The following TENM2 variants were observed in gnomAD, a reference collection of about 807,000 sequenced individuals.
TENM2 encodes teneurin-2.
TENM2 carries 52 observed loss-of-function variants against 245.2 expected under a neutral mutation model. The observed-to-expected ratio is 0.21, with a 90% CI of 0.17 to 0.27. TENM2 has a LOEUF of 0.27. Among genes scored for constraint, TENM2 ranks in the 10% least tolerant of loss-of-function variants. The pLI is 1.00. For synonymous variants in TENM2, 1,363 were observed against 1,438.9 expected (o/e 0.95, Z 1.19); for missense variants, 3,046 against 3,666.8 (o/e 0.83, Z 4.37).
At chr5:167,123,069 G>A in the TENM2 span, among the ~76,000 whole-genome samples, 16 of 151,736 alleles carry the variant, frequency 1.1e-4, no homozygotes, top group South Asian at 2.1e-3. Flanking sequence ...AGGCCAAGGC[G>A]AGTGGATCAC....
chr5:167,251,010 A>G, the TENM2 span, among the ~76,000 whole-genome samples: 3 of 152,136 alleles, frequency 2.0e-5, no homozygotes, highest in East Asian at 1.9e-4. Flanking sequence ...AGAATAAACT[A>G]TGAGAGATGG....
chr5:167,791,811 A>G (rs1225312310), intron 2 of TENM2, among the ~76,000 whole-genome samples: 1 of 152,086 alleles, frequency 6.6e-6, no homozygotes, highest in Non-Finnish European at 1.5e-5. Flanking sequence ...CTCTTGAAAC[A>G]TCAGACAGCC....
the TENM2 span, among the ~76,000 whole-genome samples, chr5:167,069,800 A>G: frequency 6.6e-6 from 1 of 152,202 alleles, no homozygotes; most frequent in Non-Finnish European, 1.5e-5. Flanking sequence ...AAAATATTCA[A>G]AAATAAGCTT....
intron 5 of TENM2, among the ~76,000 whole-genome samples, chr5:167,997,742 A>G (rs767490023): frequency 6.6e-6 from 1 of 152,198 alleles, no homozygotes; most frequent in African/African-American, 2.4e-5. Flanking sequence ...ATGTAAACCC[A>G]TTGTTTAGAT....
chr5:167,845,039 G>A lies in TENM2; in HGVS notation c.503-30947G>A, dbSNP rs140013249. On this transcript the variant is annotated intron_variant, in intron 2 of 28. Coordinates refer to ENST00000518659, the Ensembl canonical transcript of TENM2. ...TCTCTGTAAGATGCACTGTATTATG[G>A]ACCAGACTGCCAAGGAGACCCATCC... 5.5e-4 allele frequency among the ~76,000 whole-genome samples: 84 copies of A among 151,962 alleles called. 1 individual carries two copies. In the East Asian group the frequency reaches 0.014, roughly 26 times the overall value.
At chr5:167,670,703 C>T (rs1473916983) in intron 2 of TENM2, among the ~76,000 whole-genome samples, 1 of 152,156 alleles carries the variant, frequency 6.6e-6, no homozygotes, top group Non-Finnish European at 1.5e-5. Context: ...TCTATCCTTC[C>T]ACTTTTTTCC....
intron 9 of TENM2, among the ~76,000 whole-genome samples, chr5:168,113,524 C>T (rs930266737): frequency 6.7e-6 from 1 of 149,070 alleles, no homozygotes; most frequent in African/African-American, 2.5e-5. Flanking sequence ...CTCTTTACTG[C>T]AAGCTCCAAG....
the TENM2 span, among the ~76,000 whole-genome samples, chr5:167,255,682 A>G: frequency 6.6e-6 from 1 of 152,186 alleles, no homozygotes; most frequent in Non-Finnish European, 1.5e-5. Flanking sequence ...TACGAGAAGT[A>G]CAGGTTGTGA....
intron 23 of TENM2, among the ~76,000 whole-genome samples, chr5:168,220,283 G>A (rs146627157): frequency 6.6e-6 from 1 of 152,160 alleles, no homozygotes; most frequent in East Asian, 1.9e-4. Flanking sequence ...ACAATTTGTT[G>A]GCTCTCCTGA....
intron 3 of TENM2, among the ~76,000 whole-genome samples, chr5:167,941,561 C>A (rs1258474619): frequency 6.6e-6 from 1 of 151,880 alleles, no homozygotes; most frequent in Admixed American, 6.6e-5. Flanking sequence ...AAATAATAAT[C>A]CTGGCTGGGT....
At chr5:168,125,221 C>T (rs1795761301) in intron 11 of TENM2, among the ~76,000 whole-genome samples, 171 bp downstream of exon 13, 1 of 152,280 alleles carries the variant, frequency 6.6e-6, no homozygotes, top group Non-Finnish European at 1.5e-5. Flanking sequence ...AGTCTGTGAT[C>T]TTTGAGAAAC....
intron 5 of TENM2, among the ~76,000 whole-genome samples, chr5:167,996,979 T>C (rs778425909): frequency 2.0e-5 from 3 of 152,148 alleles, no homozygotes; most frequent in Non-Finnish European, 4.4e-5. Context: ...CCTCAAGTCA[T>C]CTACCCACCT....
Position 167,872,518 on chromosome 5 carries a change from AAGAAAGAAAG to A in TENM2, c.503-3466_503-3457del, listed in dbSNP as rs1442070662. Among the ~76,000 whole-genome samples the A allele has an allele frequency of 2.1e-3, 107 of 51,166 alleles. 1 individual carries two copies. The highest frequency in any genetic ancestry group is 5.3e-3 in the African/African-American group (102 of 19,216). The allele number at this position is 51,166 out of a possible 152,430, so 33.6% of individuals were successfully genotyped here. ...AAAGAAAGAAAGAAAGAAAGAAAGA[AAGAAAGAAAG>A]AAAGAAAGAAAGAAAGAAAGAGAAA... is the stretch of plus-strand genomic sequence containing the variant. On this transcript the variant is annotated intron_variant, in intron 2 of 28. Transcript: ENST00000518659.
intron 2 of TENM2, among the ~76,000 whole-genome samples, chr5:167,437,531 G>A (rs1764634079): frequency 6.6e-6 from 1 of 152,146 alleles, no homozygotes; most frequent in Non-Finnish European, 1.5e-5. Flanking sequence ...TTGGGGGACT[G>A]TTGGGAAGAC....
intron 2 of TENM2, among the ~76,000 whole-genome samples, chr5:167,790,124 A>G (rs1355506121): frequency 6.6e-6 from 1 of 151,142 alleles, no homozygotes; most frequent in South Asian, 2.1e-4. Context: ...TTTTTTTTTT[A>G]AAGATATGAT....
chr5:167,839,499 T>G (rs944421164), intron 2 of TENM2, among the ~76,000 whole-genome samples: 2 of 152,062 alleles, frequency 1.3e-5, no homozygotes, highest in Non-Finnish European at 2.9e-5. Context: ...TAGGCCCTGA[T>G]GTATGGATTT....
the TENM2 span, among the ~76,000 whole-genome samples, chr5:167,198,699 T>A: frequency 6.6e-6 from 1 of 152,060 alleles, no homozygotes; most frequent in Admixed American, 6.6e-5. Context: ...GGGATGCAAC[T>A]CCCTGTCCGG....
the TENM2 span, among the ~76,000 whole-genome samples, chr5:167,020,960 A>G: frequency 1.3e-5 from 2 of 152,120 alleles, no homozygotes; most frequent in Admixed American, 6.6e-5. Flanking sequence ...CCTGGCCAAC[A>G]TGGTGAAACC....
chr5:167,425,758 CTGCTGA>C (rs937637661), intron 2 of TENM2, among the ~76,000 whole-genome samples: 1 of 152,098 alleles, frequency 6.6e-6, no homozygotes, highest in African/African-American at 2.4e-5. Context: ...GCTGCTGCTG[CTGCTGA>C]TGATGATGAT....
Sources: allele counts gnomAD v4.1 joint callset (sites outside exome capture counted in the v4.1 genomes callset), GRCh38; gene constraint gnomAD v4.1.1; transcripts MANE v1.5; gene names NCBI Gene and HGNC (gene_info 2026-07-23, HGNC 2026-07-21).